The following AOPEP variants were observed in gnomAD, a reference collection of about 807,000 sequenced individuals.
AOPEP encodes the protein aminopeptidase O.
Under a neutral mutation model 98.1 loss-of-function variants are expected in AOPEP, and 77 were observed. The ratio of observed to expected loss-of-function variants is 0.78; its 90% confidence interval spans 0.65 to 0.95. The LOEUF (loss-of-function observed/expected upper bound fraction) is 0.95. AOPEP is among the 40% of genes least tolerant of loss of function. AOPEP has a pLI of 0.00. For missense variants in AOPEP, 1,024 were observed against 1,024.7 expected, an observed-to-expected ratio of 1.00 and a Z score of 0.01; for synonymous variants, 346 against 365.3, an observed-to-expected ratio of 0.95 and a Z score of 0.60.
chr9:95,062,985 T>A (rs768467792), intron 14 of AOPEP, among the ~76,000 whole-genome samples: 1 of 152,186 alleles, frequency 6.6e-6, no homozygotes, highest in African/African-American at 2.4e-5. Flanking sequence ...TTGCCACCCC[T>A]CTGCAGGGCG....
the AOPEP span, chr9:95,127,347 T>C: frequency 1.3e-5 from 2 of 152,252 alleles, no homozygotes. Context: ...AGATCCTTTA[T>C]AGCAGGGTCC....
At chr9:94,749,072 A>G (rs1410179083) in intron 1 of AOPEP, among the ~76,000 whole-genome samples, 2 of 152,234 alleles carry the variant, frequency 1.3e-5, no homozygotes, top group Non-Finnish European at 2.9e-5. Flanking sequence ...GAATTCTTAC[A>G]TAAGGAAGAT....
Position 95,005,287 on chromosome 9 carries a change from C to A in AOPEP, c.2040+67C>A, listed in dbSNP as rs550172011. 3.0e-5 allele frequency: 26 copies of A among 863,310 alleles called. No homozygotes were observed. The South Asian group carries it at 7.1e-4, about 24-fold the overall frequency. 53.5% of individuals were successfully genotyped at this position (863,310 alleles called of 1,614,324 possible). On this transcript the variant is annotated intron_variant, in intron 12 of 16. Coordinates refer to ENST00000375315, the MANE Select transcript of AOPEP (RefSeq NM_001193329.3). ...GCGCGAGACCGCGGCTGGCGAGAGG[C>A]CCTGGCTCTGCGCTGCGGCGCGCGG... is the stretch of plus-strand genomic sequence containing the variant.
chr9:95,032,312 C>T (rs2064380894), intron 13 of AOPEP, among the ~76,000 whole-genome samples: 1 of 152,196 alleles, frequency 6.6e-6, no homozygotes, highest in Non-Finnish European at 1.5e-5. Context: ...GGGAGCTGTT[C>T]TGGGCCAGAA....
At chr9:95,067,710 T>C (rs899882983) in intron 14 of AOPEP, among the ~76,000 whole-genome samples, 1 of 152,222 alleles carries the variant, frequency 6.6e-6, no homozygotes, top group Non-Finnish European at 1.5e-5. Context: ...TCACATACCA[T>C]GAAGTGCACC....
intron 1 of AOPEP, among the ~76,000 whole-genome samples, chr9:94,753,958 A>G (rs894161168): frequency 6.6e-6 from 1 of 152,228 alleles, no homozygotes; most frequent in Middle Eastern, 3.2e-3. Flanking sequence ...ATTGTTTGCA[A>G]TCAAGAAAAT....
chr9:94,862,413 G>A (rs2135446947), intron 5 of AOPEP, among the ~76,000 whole-genome samples: 1 of 152,154 alleles, frequency 6.6e-6, no homozygotes, highest in South Asian at 2.1e-4. Context: ...TCCTTTAAAG[G>A]GACTCTTTTT....
intron 1 of AOPEP, among the ~76,000 whole-genome samples, 183 bp downstream of exon 1, chr9:94,726,934 T>C (rs1829322542): frequency 6.6e-6 from 1 of 152,094 alleles, no homozygotes; most frequent in Non-Finnish European, 1.5e-5. Flanking sequence ...CTGAAACCCA[T>C]CCTGGGGACT....
intron 10 of AOPEP, among the ~76,000 whole-genome samples, chr9:94,976,710 A>T (rs1273190978): frequency 6.9e-6 from 1 of 145,576 alleles, no homozygotes; most frequent in African/African-American, 2.6e-5. Context: ...CTTTGTCCCC[A>T]GGCTGGAGTG....
At chr9:94,951,195 A>G (rs1466684131) in intron 7 of AOPEP, among the ~76,000 whole-genome samples, 1 of 152,244 alleles carries the variant, frequency 6.6e-6, no homozygotes. Context: ...TGTAATGTCT[A>G]AGAGATACTG....
chr9:94,756,267 G>A (rs1837023375), intron 1 of AOPEP, among the ~76,000 whole-genome samples: 1 of 150,400 alleles, frequency 6.6e-6, no homozygotes, highest in South Asian at 2.1e-4. Flanking sequence ...AAAAAAGATG[G>A]CAACCCTAAG....
chr9:95,022,537 C>T (rs766880254), intron 13 of AOPEP, among the ~76,000 whole-genome samples: 1 of 152,112 alleles, frequency 6.6e-6, no homozygotes, highest in Non-Finnish European at 1.5e-5. Context: ...GATGGGGTTT[C>T]ACCGTGTTAG....
Position 94,923,972 on chromosome 9 carries a change from C to T in AOPEP, c.1365-14C>T, listed in dbSNP as rs1457938553. 2.2e-6 allele frequency: 3 copies of T among 1,385,842 alleles called. No homozygotes were observed. Among genetic ancestry groups the T allele is most frequent in the Non-Finnish European group, 2.8e-6 (3 of 1,058,470 alleles). The allele number at this position is 1,385,842 out of a possible 1,614,324, so 85.8% of individuals were successfully genotyped here. On this transcript the variant is annotated splice_polypyrimidine_tract_variant and intron_variant, in intron 5 of 16. Coordinates refer to ENST00000375315, the MANE Select transcript of AOPEP (RefSeq NM_001193329.3). ...TAACAAGACTCTGTGCATTTTCTCC[C>T]CCATTATCCACAGCCCACACATCAT...
chr9:95,130,247 C>T, the AOPEP span, among the ~76,000 whole-genome samples: 1 of 151,930 alleles, frequency 6.6e-6, no homozygotes. Context: ...ACAGAATTCT[C>T]AGGAAGAAGC....
chr9:94,910,124 A>G (rs1170350180), intron 5 of AOPEP, among the ~76,000 whole-genome samples: 4 of 152,022 alleles, frequency 2.6e-5, no homozygotes, highest in Admixed American at 6.5e-5. Flanking sequence ...CTTCCCCTTA[A>G]CTAGTTTTCT....
the AOPEP span, among the ~76,000 whole-genome samples, chr9:95,112,652 C>T: frequency 6.6e-6 from 1 of 152,198 alleles, no homozygotes; most frequent in Non-Finnish European, 1.5e-5. Context: ...TCAGGGTAGA[C>T]AGATGCACAG....
chr9:94,958,016 T>C (rs2058583474), intron 9 of AOPEP, among the ~76,000 whole-genome samples: 2 of 152,034 alleles, frequency 1.3e-5, no homozygotes, highest in Non-Finnish European at 2.9e-5. Flanking sequence ...CCATCTCCCA[T>C]ACCATTAATA....
chr9:95,073,200 TTCCTACC>T (rs2068676248), intron 14 of AOPEP, among the ~76,000 whole-genome samples: 1 of 152,158 alleles, frequency 6.6e-6, no homozygotes, highest in Non-Finnish European at 1.5e-5. Flanking sequence ...AGCCATGTGG[TTCCTACC>T]TCCTACCTCA....
chr9:94,902,911 T>C (rs1165201934), intron 5 of AOPEP, among the ~76,000 whole-genome samples: 1 of 151,764 alleles, frequency 6.6e-6, no homozygotes, highest in Non-Finnish European at 1.5e-5. Context: ...CAAAGTTCAC[T>C]GGTGTGGTGG....
Sources: allele counts gnomAD v4.1 joint callset (sites outside exome capture counted in the v4.1 genomes callset), GRCh38; gene constraint gnomAD v4.1.1; transcripts MANE v1.5; gene names NCBI Gene and HGNC (gene_info 2026-07-23, HGNC 2026-07-21).